KPNA3: variants seen among roughly 807,000 people sequenced by gnomAD.
The protein encoded by KPNA3 is importin subunit alpha-4.
A neutral mutation model predicts 73.8 loss-of-function variants in KPNA3; 13 were observed. The ratio of observed to expected loss-of-function variants is 0.18; its 90% confidence interval spans 0.11 to 0.28. The LOEUF is 0.28. KPNA3 is among the 10% of genes least tolerant of loss of function. The pLI is 1.00. For missense variants in KPNA3, 360 were observed against 618.1 expected, an observed-to-expected ratio of 0.58 and a Z score of 4.43; for synonymous variants, 186 against 206.9, an observed-to-expected ratio of 0.90 and a Z score of 0.87.
At chr13:49,752,967 C>T (rs1358190635) in intron 1 of KPNA3, among the ~76,000 whole-genome samples, 3 of 125,204 alleles carry the variant, frequency 2.4e-5, no homozygotes, top group Admixed American at 1.0e-4. Context: ...GTGGAGCTTG[C>T]GGTGAGCCGA....
chr13:49,785,327 GCA>G (rs35599653), intron 1 of KPNA3, among the ~76,000 whole-genome samples: 4,164 of 152,278 alleles, frequency 0.027, 193 homozygotes, highest in African/African-American at 0.094. Flanking sequence ...TCCAGAGACA[GCA>G]CAGAGATTCG....
chr13:49,729,707 G>A (rs904987195), intron 6 of KPNA3, among the ~76,000 whole-genome samples: 1 of 152,188 alleles, frequency 6.6e-6, no homozygotes, highest in African/African-American at 2.4e-5. Flanking sequence ...GTGAACCCAG[G>A]AAGCGGAGCT....
chr13:49,721,864 G>C, intron 9 of KPNA3, 91 bp downstream of exon 9: 5 of 811,542 alleles, frequency 6.2e-6, no homozygotes, highest in Non-Finnish European at 7.3e-6. Context: ...AATGAAATCA[G>C]TATATGTATT....
intron 7 of KPNA3, among the ~76,000 whole-genome samples, chr13:49,722,868 A>G (rs1954373104): frequency 6.6e-6 from 1 of 150,942 alleles, no homozygotes; most frequent in South Asian, 2.1e-4. Context: ...CCTACCCCAA[A>G]CATGTAACCT....
chr13:49,792,486 C>G lies in KPNA3; in HGVS notation c.21G>C (p.Leu7Phe), dbSNP rs1334115992. The change falls in exon 1 of 17, where the codon TTG becomes TTC. Residue 7 changes from leucine (L) to phenylalanine (F), a missense_variant. Leu to Phe is a conservative substitution (Grantham distance 22). Transcript: ENST00000261667. MAENPS[L>F]ENHRIKSFKN... is the part of the protein sequence containing the mutation. ...TGAAGCTCTTGATGCGGTGGTTCTC[C>G]AAGCTGGGGTTCTCGGCCATGGCTG... 1.9e-6 allele frequency: 3 copies of G among 1,581,498 alleles called. No individual in the cohort carries two copies. Among genetic ancestry groups the G allele is most frequent in the Non-Finnish European group, 2.6e-6 (3 of 1,165,200 alleles).
chr13:49,770,179 C>CTTTTTT (rs35910811), intron 1 of KPNA3, among the ~76,000 whole-genome samples: 12 of 83,828 alleles, frequency 1.4e-4, no homozygotes, highest in South Asian at 4.9e-4. Flanking sequence ...TTGTGGGCTG[C>CTTTTTT]TTTTTTTTTT....
intron 1 of KPNA3, among the ~76,000 whole-genome samples, chr13:49,781,471 A>G (rs940668883): frequency 6.7e-6 from 1 of 148,856 alleles, no homozygotes; most frequent in South Asian, 2.1e-4. Context: ...GGATTATTTA[A>G]GGTTATTCTT....
chr13:49,729,641 G>T (rs1035461520), intron 6 of KPNA3, among the ~76,000 whole-genome samples: 1 of 152,096 alleles, frequency 6.6e-6, no homozygotes, highest in Non-Finnish European at 1.5e-5. Context: ...TTAGCTGGGC[G>T]TGGTGGCAGG....
intron 2 of KPNA3, among the ~76,000 whole-genome samples, chr13:49,734,456 C>A (rs1365922192): frequency 6.6e-6 from 1 of 152,004 alleles, no homozygotes; most frequent in East Asian, 1.9e-4. Flanking sequence ...ACAGTGTACG[C>A]CAAAGTAGTC....
chr13:49,758,551 A>G (rs1954730972), intron 1 of KPNA3, among the ~76,000 whole-genome samples: 2 of 152,162 alleles, frequency 1.3e-5, no homozygotes, highest in South Asian at 4.1e-4. Context: ...AATGAGTAAA[A>G]ATGTCATATT....
chr13:49,786,348 AG>A (rs1418783097), intron 1 of KPNA3, among the ~76,000 whole-genome samples: 1 of 152,240 alleles, frequency 6.6e-6, no homozygotes, highest in East Asian at 1.9e-4. Context: ...ATACAAACAC[AG>A]AATTTGTTGT....
chr13:49,758,694 GTGTT>G (rs1291064983), intron 1 of KPNA3, among the ~76,000 whole-genome samples: 4 of 152,038 alleles, frequency 2.6e-5, no homozygotes, highest in South Asian at 2.1e-4. Context: ...TTATATGTGT[GTGTT>G]TATGTGTGTA....
intron 1 of KPNA3, among the ~76,000 whole-genome samples, chr13:49,789,515 CT>C (rs1273851986): frequency 2.0e-5 from 3 of 151,958 alleles, no homozygotes; most frequent in African/African-American, 7.2e-5. Context: ...GTATCAGCTG[CT>C]TCTATAATTT....
At chr13:49,762,263 C>T (rs866377543) in intron 1 of KPNA3, among the ~76,000 whole-genome samples, 13 of 151,178 alleles carry the variant, frequency 8.6e-5, no homozygotes, top group African/African-American at 2.4e-4. Flanking sequence ...CGCCTCCGCC[C>T]GGCCATCGCC....
rs1281462961 is a variant in KPNA3 at position 49,746,927 on chromosome 13, T to C, written c.114+22A>G. The C allele has an allele frequency of 3.2e-6, 5 of 1,575,026 alleles. No homozygotes were observed. In the East Asian group the frequency reaches 1.1e-4, roughly 35 times the overall value. On this transcript the variant is annotated intron_variant, in intron 2 of 16. Transcript: ENST00000261667. ...CATCAGAAAAATCTAATTACTTTTCTTTAAATGTAAATCAACCTTACCTTC... is the reference window on the plus strand; with the variant it reads ...CATCAGAAAAATCTAATTACTTTTCCTTAAATGTAAATCAACCTTACCTTC...
intron 1 of KPNA3, among the ~76,000 whole-genome samples, chr13:49,752,698 T>C (rs981453588): frequency 6.6e-6 from 1 of 151,688 alleles, no homozygotes; most frequent in African/African-American, 2.4e-5. Context: ...AAACAGAATA[T>C]GTAAAGAAAA....
intron 2 of KPNA3, among the ~76,000 whole-genome samples, chr13:49,739,176 T>C (rs1406138118): frequency 6.6e-6 from 1 of 152,230 alleles, no homozygotes; most frequent in Non-Finnish European, 1.5e-5. Flanking sequence ...TTTCTTTATG[T>C]AGGATCTTAA....
chr13:49,730,245 G>A (rs1192879367), intron 6 of KPNA3, among the ~76,000 whole-genome samples: 1 of 152,084 alleles, frequency 6.6e-6, no homozygotes, highest in African/African-American at 2.4e-5. Flanking sequence ...CAAACAAGGG[G>A]CCCTAGGCCG....
In KPNA3 at chr13:49,701,647, T is replaced by A; in HGVS notation, c.*153A>T. ...CCATGTGATAGTGACTTTTGGCAAC[T>A]GCAAAGTGACTGAGACATGGCTTGC... On this transcript the variant is annotated 3_prime_UTR_variant, in exon 17 of 17. Transcript: ENST00000261667. The A allele has an allele frequency of 1.3e-6, 1 of 764,600 alleles. No homozygotes were observed. The highest frequency in any genetic ancestry group is 1.4e-5 in the South Asian group (1 of 73,014). The allele number at this position is 764,600 out of a possible 1,614,324, so 47.4% of individuals were successfully genotyped here.
Sources: allele counts gnomAD v4.1 joint callset (sites outside exome capture counted in the v4.1 genomes callset), GRCh38; gene constraint gnomAD v4.1.1; transcripts MANE v1.5; gene names NCBI Gene and HGNC (gene_info 2026-07-23, HGNC 2026-07-21).